The following CACNA1D variants were observed in gnomAD, a reference collection of about 807,000 sequenced individuals.
CACNA1D encodes the protein calcium voltage-gated channel subunit alpha1 D.
A neutral mutation model predicts 257.1 loss-of-function variants in CACNA1D; 55 were observed. That is an observed-to-expected ratio of 0.21 (90% CI 0.17 to 0.27). The LOEUF (loss-of-function observed/expected upper bound fraction) is 0.27. Among genes scored for constraint, CACNA1D ranks in the 10% least tolerant of loss-of-function variants. CACNA1D has a pLI of 1.00. For missense variants in CACNA1D, 1,876 were observed against 2,784.0 expected (o/e 0.67, Z 7.34); for synonymous variants, 980 against 1,014.9 (o/e 0.97, Z 0.65).
intron 3 of CACNA1D, among the ~76,000 whole-genome samples, chr3:53,637,191 A>G: frequency 6.6e-6 from 1 of 152,242 alleles, no homozygotes; most frequent in Admixed American, 6.5e-5. Flanking sequence ...TCTCTGAGGC[A>G]AGCCTCTTTG....
At chr3:53,724,146 A>G (rs755412495) in intron 14 of CACNA1D, 147 bp downstream of exon 14, 132 of 724,486 alleles carry the variant, frequency 1.8e-4, no homozygotes, top group Admixed American at 4.1e-5. Context: ...ATTTTGTGCC[A>G]TTTAAGTTAT....
At chr3:53,694,797 C>T (rs989273026) in intron 8 of CACNA1D, among the ~76,000 whole-genome samples, 13 of 152,148 alleles carry the variant, frequency 8.5e-5, no homozygotes, top group Non-Finnish European at 1.3e-4. Flanking sequence ...TGTGCAGGCT[C>T]GTATTCTGCT....
chr3:53,579,490 T>C (rs1313514640), intron 3 of CACNA1D, among the ~76,000 whole-genome samples: 1 of 152,210 alleles, frequency 6.6e-6, no homozygotes, highest in East Asian at 1.9e-4. Context: ...ATTTAGGACA[T>C]GATATCCTTT....
At chr3:53,562,096 T>A (rs1264305148) in intron 3 of CACNA1D, among the ~76,000 whole-genome samples, 1 of 152,230 alleles carries the variant, frequency 6.6e-6, no homozygotes. Flanking sequence ...GGTCTCTACC[T>A]TTAAGGAACT....
At chr3:53,722,025 CACTTAAGGGCTGCATATG>C (rs2094888310) in intron 11 of CACNA1D, among the ~76,000 whole-genome samples, 1 of 152,206 alleles carries the variant, frequency 6.6e-6, no homozygotes, top group Non-Finnish European at 1.5e-5. Flanking sequence ...TTTTCTAACC[CACTTAAGGGCTGCATATG>C]ACAGATTCTG....
intron 5 of CACNA1D, among the ~76,000 whole-genome samples, chr3:53,663,435 G>A (rs2094225803): frequency 6.6e-6 from 1 of 152,160 alleles, no homozygotes; most frequent in African/African-American, 2.4e-5. Flanking sequence ...GGAGAGGATG[G>A]GGGATGCCAA....
chr3:53,698,328 T>G (rs1329697723), intron 8 of CACNA1D, among the ~76,000 whole-genome samples: 1 of 152,182 alleles, frequency 6.6e-6, no homozygotes. Context: ...GTAATATGTC[T>G]AAGATAGTTT....
chr3:53,749,495 T>C (rs1185273529), intron 27 of CACNA1D, 26 bp downstream of exon 27: 5 of 1,544,036 alleles, frequency 3.2e-6, no homozygotes, highest in Non-Finnish European at 3.6e-6. Flanking sequence ...TGTTTTGGCT[T>C]CTGTCCCTTG....
At chr3:53,536,784 T>C (rs2107492249) in intron 3 of CACNA1D, among the ~76,000 whole-genome samples, 1 of 152,372 alleles carries the variant, frequency 6.6e-6, no homozygotes, top group South Asian at 2.1e-4. Flanking sequence ...GTATTATCTA[T>C]GGGTATTTTC....
At chr3:53,752,476 T>C (rs898570364) in intron 28 of CACNA1D, among the ~76,000 whole-genome samples, 4 of 152,240 alleles carry the variant, frequency 2.6e-5, no homozygotes, top group African/African-American at 9.6e-5. Context: ...CTCGGCTCAC[T>C]GCAACCTCCG....
At chr3:53,718,257 C>A (rs781016128) in intron 9 of CACNA1D, 44 bp from the exon 10 acceptor site, 4 of 1,539,804 alleles carry the variant, frequency 2.6e-6, no homozygotes, top group Non-Finnish European at 3.6e-6. Context: ...CCCAGGCGTG[C>A]AGTGTGCCCC....
intron 3 of CACNA1D, among the ~76,000 whole-genome samples, chr3:53,510,507 A>G (rs1447736841): frequency 2.0e-5 from 3 of 152,228 alleles, no homozygotes; most frequent in Non-Finnish European, 4.4e-5. Context: ...GTTTCAAATC[A>G]TGCTGCATTG....
At chr3:53,516,688 A>C (rs2091348740) in intron 3 of CACNA1D, among the ~76,000 whole-genome samples, 1 of 152,230 alleles carries the variant, frequency 6.6e-6, no homozygotes, top group Non-Finnish European at 1.5e-5. Context: ...CCCTCTGTGC[A>C]ATGAACTAGT....
At chr3:53,540,058 G>A (rs2092253859) in intron 3 of CACNA1D, among the ~76,000 whole-genome samples, 2 of 150,744 alleles carry the variant, frequency 1.3e-5, no homozygotes, top group African/African-American at 4.9e-5. Context: ...TTTCTTTATG[G>A]TGTCTTTTGA....
chr3:53,730,634 AC>A (rs1168668602), intron 16 of CACNA1D, 78 bp downstream of exon 16: 20 of 1,091,680 alleles, frequency 1.8e-5, no homozygotes, highest in African/African-American at 4.7e-5. Flanking sequence ...TGCCAGGCTT[AC>A]CCCCGCATCA....
At chr3:53,719,035 G>T (rs1482285839) in intron 10 of CACNA1D, among the ~76,000 whole-genome samples, 2 of 151,842 alleles carry the variant, frequency 1.3e-5, no homozygotes, top group East Asian at 3.9e-4. Flanking sequence ...CGGGGGGGCT[G>T]GGGGGGACCA....
chr3:53,644,297 C>T (rs886575250), intron 3 of CACNA1D, among the ~76,000 whole-genome samples: 1 of 152,100 alleles, frequency 6.6e-6, no homozygotes, highest in African/African-American at 2.4e-5. Flanking sequence ...ATATCTATTA[C>T]CTCACATGCT....
chr3:53,678,763 A>G (rs1357610106), intron 8 of CACNA1D, among the ~76,000 whole-genome samples: 1 of 152,134 alleles, frequency 6.6e-6, no homozygotes, highest in Non-Finnish European at 1.5e-5. Context: ...GACTGACTAT[A>G]CCAGAATTTT....
chr3:53,640,033 T>C (rs1239423361), intron 3 of CACNA1D, among the ~76,000 whole-genome samples: 1 of 152,024 alleles, frequency 6.6e-6, no homozygotes, highest in African/African-American at 2.4e-5. Context: ...AGCTAATTTT[T>C]GTATTTTTAG....
Sources: allele counts gnomAD v4.1 joint callset (sites outside exome capture counted in the v4.1 genomes callset), GRCh38; gene constraint gnomAD v4.1.1; transcripts MANE v1.5; gene names NCBI Gene and HGNC (gene_info 2026-07-23, HGNC 2026-07-21).